Variants in SLC4A4 observed in about 807,000 individuals in gnomAD.
The protein encoded by SLC4A4 is electrogenic sodium bicarbonate cotransporter 1.
SLC4A4 carries 27 observed loss-of-function variants against 111.5 expected under a neutral mutation model. That is an observed-to-expected ratio of 0.24 (90% CI 0.18 to 0.33). The LOEUF is 0.33. Ranked by LOEUF, SLC4A4 falls within the 10% of genes least tolerant of loss-of-function variation. The pLI is 1.00. For synonymous variants in SLC4A4, 443 were observed against 463.4 expected (o/e 0.96, Z 0.57); for missense variants, 909 against 1,315.5 (o/e 0.69, Z 4.78).
At position 71,492,185 on chromosome 4, in the gene SLC4A4, C is replaced by T. The variant is rs976444815; in HGVS notation, c.1974+5167C>T. On this transcript the variant is annotated intron_variant, in intron 15 of 25. Transcript: ENST00000264485. Reference sequence around the variant, plus strand: ...CATATTCCTACTTTTAAAAGTATTACGTAAAATTTTAAATATGCACTAAAA... The same window carrying T: ...CATATTCCTACTTTTAAAAGTATTATGTAAAATTTTAAATATGCACTAAAA... Among the ~76,000 whole-genome samples, 12 of 151,370 alleles carry T rather than the reference C, an allele frequency of 7.9e-5. No individual in the cohort carries two copies. In the South Asian group the frequency reaches 8.3e-4, roughly 11 times the overall value.
chr4:71,211,994 G>A (rs1034861370), intron 1 of SLC4A4, among the ~76,000 whole-genome samples: 1 of 152,104 alleles, frequency 6.6e-6, no homozygotes, highest in African/African-American at 2.4e-5. Context: ...TGATTGCAGT[G>A]CTCCCTCACC....
intron 3 of SLC4A4, among the ~76,000 whole-genome samples, chr4:71,263,568 G>T (rs1722025071): frequency 6.6e-6 from 1 of 152,164 alleles, no homozygotes; most frequent in Non-Finnish European, 1.5e-5. Context: ...AACTATCTTG[G>T]TTAAGAAAAT....
At chr4:71,099,450 C>T (rs1245059410) in intron 2 of SLC4A4, among the ~76,000 whole-genome samples, 3 of 151,966 alleles carry the variant, frequency 2.0e-5, no homozygotes, top group African/African-American at 4.8e-5. Flanking sequence ...CAGTGTTAAG[C>T]GGGAAATTCA....
chr4:71,453,213 C>T (rs1434999908), intron 11 of SLC4A4, among the ~76,000 whole-genome samples: 2 of 152,082 alleles, frequency 1.3e-5, no homozygotes, highest in African/African-American at 4.8e-5. Context: ...TTTCTCTAGG[C>T]AATGAAACAT....
At chr4:71,496,221 G>C (rs560493709) in intron 15 of SLC4A4, among the ~76,000 whole-genome samples, 1 of 152,004 alleles carries the variant, frequency 6.6e-6, no homozygotes, top group South Asian at 2.1e-4. Flanking sequence ...TTTAGAAAAG[G>C]TTTCTTAGGC....
chr4:71,423,948 A>G (rs1388594771), intron 7 of SLC4A4, among the ~76,000 whole-genome samples: 1 of 152,170 alleles, frequency 6.6e-6, no homozygotes, highest in Admixed American at 6.5e-5. Flanking sequence ...CTTCATGTCT[A>G]AAACACCAAA....
chr4:71,557,569 CT>C, intron 21 of SLC4A4, 142 bp from the exon 22 acceptor site: 1 of 770,420 alleles, frequency 1.3e-6, no homozygotes, highest in South Asian at 1.5e-5. Flanking sequence ...GACTAAATTT[CT>C]GCATTCCTTG....
At chr4:71,313,429 T>C (rs894485463) in intron 3 of SLC4A4, among the ~76,000 whole-genome samples, 1 of 152,178 alleles carries the variant, frequency 6.6e-6, no homozygotes, top group African/African-American at 2.4e-5. Context: ...AAAAAACTAC[T>C]TTAAATTCCA....
chr4:71,229,310 G>A (rs1719246403), intron 1 of SLC4A4, among the ~76,000 whole-genome samples: 1 of 152,184 alleles, frequency 6.6e-6, no homozygotes, highest in Non-Finnish European at 1.5e-5. Flanking sequence ...CCTGTTGAAA[G>A]ACATGTGGAT....
chr4:71,369,045 C>T (rs566741290), intron 6 of SLC4A4, among the ~76,000 whole-genome samples: 1 of 152,262 alleles, frequency 6.6e-6, no homozygotes, highest in South Asian at 2.1e-4. Flanking sequence ...CACTAAAGTG[C>T]GCAGCCCGCT....
intron 2 of SLC4A4, among the ~76,000 whole-genome samples, chr4:71,109,392 C>T (rs532510898): frequency 1.3e-5 from 2 of 151,662 alleles, no homozygotes; most frequent in East Asian, 3.9e-4. Flanking sequence ...TCACTTCAAC[C>T]AAAGGGAGAG....
At chr4:71,545,307 C>A (rs1735420733) in intron 18 of SLC4A4, among the ~76,000 whole-genome samples, 1 of 151,950 alleles carries the variant, frequency 6.6e-6, no homozygotes, top group African/African-American at 2.4e-5. Flanking sequence ...TTGTGACGAA[C>A]TGTAACAAGA....
At chr4:71,331,675 A>G (rs1288002323) in intron 3 of SLC4A4, among the ~76,000 whole-genome samples, 3 of 151,850 alleles carry the variant, frequency 2.0e-5, no homozygotes, top group Non-Finnish European at 2.9e-5. Flanking sequence ...GCACATGTAT[A>G]CATATGTAAC....
intron 2 of SLC4A4, among the ~76,000 whole-genome samples, chr4:71,247,668 C>A (rs1383917172): frequency 2.0e-5 from 3 of 152,152 alleles, no homozygotes; most frequent in Non-Finnish European, 2.9e-5. Context: ...TTCAGTTGTG[C>A]AAATGGTGAC....
At chr4:71,270,724 T>C (rs1185807244) in intron 3 of SLC4A4, among the ~76,000 whole-genome samples, 3 of 152,182 alleles carry the variant, frequency 2.0e-5, no homozygotes, top group African/African-American at 7.2e-5. Flanking sequence ...CCACTGTCCT[T>C]AGTAGGGGAT....
At chr4:71,252,019 T>G (rs1721101740) in intron 2 of SLC4A4, among the ~76,000 whole-genome samples, 1 of 152,170 alleles carries the variant, frequency 6.6e-6, no homozygotes, top group Admixed American at 6.5e-5. Context: ...CCCTAAGAAC[T>G]TGCAGTCATT....
At chr4:71,325,068 G>C (rs1352271769) in intron 3 of SLC4A4, among the ~76,000 whole-genome samples, 1 of 151,818 alleles carries the variant, frequency 6.6e-6, no homozygotes, top group Non-Finnish European at 1.5e-5. Flanking sequence ...CTACTTGGCT[G>C]TTTCAGTTTC....
rs181371832 is a variant in SLC4A4 at position 71,562,406 on chromosome 4, C to T, written c.3100-1387C>T. The stretch of plus-strand genomic sequence containing the variant: ...GGGCCCATGGATATAGGGAGTCATG[C>T]GGGGACATGAGGGTTACAGCTATAA... On this transcript the variant is annotated intron_variant, in intron 23 of 25. Coordinates refer to ENST00000264485, the MANE Select transcript of SLC4A4 (RefSeq NM_001098484.3). Among the ~76,000 whole-genome samples the T allele has an allele frequency of 4.2e-3, 642 of 151,690 alleles. 6 individuals are homozygous for T. The highest frequency in any genetic ancestry group is 9.0e-3 in the Admixed American group (136 of 15,176).
In SLC4A4 at chr4:71,210,580, T is replaced by C. The variant is rs142775844; in HGVS notation, c.-2+23179T>C. Among the ~76,000 whole-genome samples the C allele has an allele frequency of 2.5e-3, 378 of 152,340 alleles. 3 individuals are homozygous for C. Among genetic ancestry groups the C allele is most frequent in the African/African-American group, 8.5e-3 (353 of 41,584 alleles). On this transcript the variant is annotated intron_variant, in intron 1 of 25. Coordinates refer to ENST00000264485, the MANE Select transcript of SLC4A4 (RefSeq NM_001098484.3). The stretch of plus-strand genomic sequence containing the variant: ...GTTATTTGTGATTTCTCTTTCTCCA[T>C]CTGTCCTTCCATTCCCCACACTTAC...
Sources: gnomAD v4.1 joint callset for allele counts (sites outside exome capture counted in the v4.1 genomes callset) on GRCh38, gnomAD v4.1.1 for gene constraint, MANE v1.5 for transcripts, NCBI Gene and HGNC (gene_info 2026-07-23, HGNC 2026-07-21) for gene names.